FUNDC1: variants seen among roughly 807,000 people sequenced by gnomAD.
FUNDC1 encodes the protein FUN14 domain-containing protein 1.
A neutral mutation model predicts 14.5 loss-of-function variants in FUNDC1; 10 were observed. The observed-to-expected ratio is 0.69, with a 90% confidence interval of 0.43 to 1.17. The LOEUF (loss-of-function observed/expected upper bound fraction) is 1.17. FUNDC1 is among the 50% of genes most tolerant of loss of function. The pLI, the probability that FUNDC1 is intolerant of heterozygous loss-of-function variation, is 0.00. For synonymous variants in FUNDC1, 33 were observed against 39.7 expected (o/e 0.83, Z 0.64); for missense variants, 115 against 113.8 (o/e 1.01, Z -0.05).
At chrX:44,526,496 G>T (rs1046201313) in intron 4 of FUNDC1, among the ~76,000 whole-genome samples, 2 of 106,653 alleles carry the variant, frequency 1.9e-5, no homozygotes, top group Admixed American at 1.0e-4. Flanking sequence ...AAGGGGGGGG[G>T]GCGTATTCAT....
intron 3 of FUNDC1, among the ~76,000 whole-genome samples, chrX:44,535,879 C>T (rs1371009056): frequency 6.8e-5 from 7 of 102,996 alleles, no homozygotes; most frequent in African/African-American, 1.8e-4. Context: ...CCAGCTACTT[C>T]GGAGGCTGAG....
intron 3 of FUNDC1, among the ~76,000 whole-genome samples, chrX:44,533,428 G>A (rs1341603164): frequency 9.2e-6 from 1 of 108,382 alleles, no homozygotes; most frequent in Non-Finnish European, 1.9e-5. Context: ...AGGAGATCGA[G>A]ACCATCCTGG....
chrX:44,529,750 T>C (rs2038915507), intron 3 of FUNDC1, among the ~76,000 whole-genome samples: 1 of 112,145 alleles, frequency 8.9e-6, no homozygotes, highest in East Asian at 2.8e-4. Context: ...TGATCTTTGA[T>C]GCTGGAGTGA....
At chrX:44,532,603 C>T (rs1319461533) in intron 3 of FUNDC1, among the ~76,000 whole-genome samples, 9 of 105,945 alleles carry the variant, frequency 8.5e-5, no homozygotes, top group Admixed American at 5.2e-4. Context: ...CCCAGGCTGG[C>T]GTGCAATGAC....
intron 4 of FUNDC1, among the ~76,000 whole-genome samples, chrX:44,525,075 CTG>C (rs1255658840): frequency 9.0e-6 from 1 of 111,715 alleles, no homozygotes; most frequent in Non-Finnish European, 1.9e-5. Context: ...CAAAGCCAGA[CTG>C]TGGGATATTC....
At position 44,536,359 on chromosome X, in the gene FUNDC1, T is replaced by C. The variant is rs371079841; in HGVS notation, c.261+2108A>G. Among the ~76,000 whole-genome samples the C allele has an allele frequency of 1.1e-4, 11 of 97,152 alleles. No homozygotes were observed. In the East Asian group the frequency reaches 1.9e-3, roughly 17 times the overall value. 84.4% of individuals were successfully genotyped at this position (97,152 alleles called of 115,157 possible). A position where few individuals can be genotyped will look rare whatever the true frequency, so the allele number is the denominator to read the frequency against. ...AAAATCCCAAACTTCCTAGTAGAAATAATGGCCAAAACCTTCCCAAACATG... is the reference window on the plus strand; with the variant it reads ...AAAATCCCAAACTTCCTAGTAGAAACAATGGCCAAAACCTTCCCAAACATG... On this transcript the variant is annotated intron_variant, in intron 3 of 4. Transcript: ENST00000378045.
At chrX:44,542,680 G>A (rs2038977296) in intron 1 of FUNDC1, 125 bp downstream of exon 1, 9 of 680,194 alleles carry the variant, frequency 1.3e-5, no homozygotes, top group South Asian at 1.0e-4. Context: ...TGCTCGAAGG[G>A]GCTGCCTTAA....
At chrX:44,537,577 A>G (rs780588849) in intron 3 of FUNDC1, among the ~76,000 whole-genome samples, 5 of 112,353 alleles carry the variant, frequency 4.5e-5, no homozygotes, top group African/African-American at 1.6e-4. Flanking sequence ...AAGGCTGTTT[A>G]GTGAACAACT....
chrX:44,542,011 C>CT lies in FUNDC1; in HGVS notation c.118dup (p.Ser40LysfsTer51). The CT allele has an allele frequency of 8.3e-7, 1 of 1,206,716 alleles. No individual in the cohort carries two copies. The highest frequency in any genetic ancestry group is 1.1e-6 in the Non-Finnish European group (1 of 891,771). ...GTATTTTTCTACCATAGGTCCCGAA[C>CT]TGTGGCCAAACACTCGATTCCACCA... On this transcript the variant is annotated frameshift_variant, in exon 2 of 5. Coordinates refer to ENST00000378045, the MANE Select transcript of FUNDC1 (RefSeq NM_173794.4). LOFTEE classifies it high-confidence loss of function.
Position 44,524,249 on chromosome X carries a change from A to C in FUNDC1, c.417T>G (p.Ile139Met), listed in dbSNP as rs757272128. The change falls in exon 5 of 5, where the codon ATT becomes ATG. Residue 139 changes from isoleucine to methionine, a missense_variant. Ile to Met is a conservative substitution (Grantham distance 10, BLOSUM62 1). Transcript: ENST00000378045. ...EEATEFIKQN[I>M]VISSGFVGGF... The stretch of plus-strand genomic sequence containing the variant: ...CTCCCACAAATCCACTGGATATCAC[A>C]ATGTTCTGCTTGATAAATTCTGTTG... 4.1e-6 allele frequency: 5 copies of C among 1,205,275 alleles called. No individual in the cohort carries two copies. The East Asian group carries it at 1.5e-4, about 36-fold the overall frequency.
chrX:44,524,727 G>A (rs967992729), intron 4 of FUNDC1, among the ~76,000 whole-genome samples: 8 of 111,451 alleles, frequency 7.2e-5, no homozygotes, highest in African/African-American at 2.6e-4. Context: ...TACTACTGCA[G>A]GTATCAAATA....
intron 3 of FUNDC1, 73 bp downstream of exon 3, chrX:44,538,394 C>T (rs2038957279): frequency 2.6e-6 from 2 of 763,850 alleles, no homozygotes; most frequent in Non-Finnish European, 4.0e-6. Flanking sequence ...GTAGCTCTTC[C>T]ATAAACTGAT....
chrX:44,538,792 A>T (rs1403921457), intron 2 of FUNDC1, among the ~76,000 whole-genome samples: 1 of 111,711 alleles, frequency 9.0e-6, no homozygotes, highest in Non-Finnish European at 1.9e-5. Flanking sequence ...TATAGAAAAA[A>T]AAGAGCAGCT....
intron 2 of FUNDC1, among the ~76,000 whole-genome samples, chrX:44,539,606 T>A (rs1161107196): frequency 1.8e-5 from 2 of 111,766 alleles, no homozygotes; most frequent in Admixed American, 1.9e-4. Flanking sequence ...CCTGTTGACA[T>A]CCTGATTTCA....
intron 2 of FUNDC1, 32 bp from the exon 3 acceptor site, chrX:44,538,574 CAATT>C (rs754086373): frequency 1.0e-6 from 1 of 990,493 alleles, no homozygotes; most frequent in Non-Finnish European, 1.4e-6. Flanking sequence ...TGAAAACAAT[CAATT>C]ATGTACTAAA....
At chrX:44,526,495 G>A (rs1202793305) in intron 4 of FUNDC1, among the ~76,000 whole-genome samples, 2 of 106,770 alleles carry the variant, frequency 1.9e-5, no homozygotes, top group Non-Finnish European at 1.9e-5. Context: ...AAAGGGGGGG[G>A]GGCGTATTCA....
chrX:44,534,222 A>C (rs1009429599), intron 3 of FUNDC1, among the ~76,000 whole-genome samples: 2 of 110,323 alleles, frequency 1.8e-5, no homozygotes, highest in Admixed American at 2.0e-4. Context: ...TAGGCCAAGC[A>C]GTCAGTGGCT....
intron 3 of FUNDC1, among the ~76,000 whole-genome samples, chrX:44,537,382 C>T (rs1182997444): frequency 1.8e-5 from 2 of 111,906 alleles, no homozygotes; most frequent in Non-Finnish European, 3.8e-5. Context: ...ATAAAATATG[C>T]TCTTGATTCC....
At chrX:44,530,324 G>A (rs775140030) in intron 3 of FUNDC1, among the ~76,000 whole-genome samples, 2 of 112,221 alleles carry the variant, frequency 1.8e-5, no homozygotes, top group African/African-American at 6.5e-5. Flanking sequence ...AATAATTCCA[G>A]GCCGGGCTCC....
Sources: allele counts gnomAD v4.1 joint callset (sites outside exome capture counted in the v4.1 genomes callset), GRCh38; gene constraint gnomAD v4.1.1; transcripts MANE v1.5; gene names NCBI Gene and HGNC (gene_info 2026-07-23, HGNC 2026-07-21).